Variants in RAB28 observed in about 807,000 individuals in gnomAD.
RAB28 encodes ras-related protein Rab-28.
Under a neutral mutation model 31.7 loss-of-function variants are expected in RAB28, and 24 were observed. That is an observed-to-expected ratio of 0.76 (90% confidence interval 0.55 to 1.06). RAB28 has a LOEUF of 1.06. Ranked by LOEUF, RAB28 falls within the 50% of genes least tolerant of loss-of-function variation. The probability of loss-of-function intolerance (pLI) is 0.00; values close to 1 mark genes in which losing one functional copy is unlikely to be tolerated. For synonymous variants in RAB28, 100 were observed against 90.4 expected (o/e 1.11, Z -0.60); for missense variants, 254 against 258.5 (o/e 0.98, Z 0.12).
At chr4:13,388,376 A>G (rs1002305563) in intron 4 of RAB28, among the ~76,000 whole-genome samples, 2 of 152,032 alleles carry the variant, frequency 1.3e-5, no homozygotes, top group Non-Finnish European at 2.9e-5. Context: ...ACTCAAAATC[A>G]ATTAAAGACC....
intron 4 of RAB28, among the ~76,000 whole-genome samples, chr4:13,444,431 G>A (rs1714594604): frequency 6.6e-6 from 1 of 152,076 alleles, no homozygotes; most frequent in South Asian, 2.1e-4. Flanking sequence ...TCCAATGATG[G>A]ACACATAGGC....
Position 13,376,540 on chromosome 4 carries a change from A to T in RAB28, c.573+5T>A. 6.3e-7 allele frequency: 1 copy of T among 1,579,922 alleles called. No homozygotes were observed. Among genetic ancestry groups the T allele is most frequent in the South Asian group, 1.2e-5 (1 of 84,140 alleles). On this transcript the variant is annotated splice_donor_5th_base_variant and intron_variant, in intron 6 of 6. Transcript: ENST00000330852. ...TTTTTTAAATATAAAGTTCAAGGTA[A>T]TCACCTGTGACTGTTCTATTTCTGC...
intron 1 of RAB28, among the ~76,000 whole-genome samples, chr4:13,480,384 A>G (rs572615596): frequency 1.1e-3 from 163 of 152,008 alleles, no homozygotes; most frequent in African/African-American, 3.7e-3. Context: ...AAAAAAGAGA[A>G]AGGCAACTTC....
chr4:13,392,453 T>C (rs80058341), intron 4 of RAB28, among the ~76,000 whole-genome samples: 2,041 of 152,286 alleles, frequency 0.013, 45 homozygotes, highest in African/African-American at 0.047. Flanking sequence ...GAAATAACTT[T>C]TCTTGACTTT....
rs371746319 is a variant in RAB28, at chr4:13,448,912, A to AAGC, written c.391+11784_391+11786dup. ...TGTGAAAAGAAGTTAAAAAAAGAAA[A>AAGC]AGCAGCAGCAGCAGCAGCAGCAATA... On this transcript the variant is annotated intron_variant, in intron 4 of 6. Coordinates refer to ENST00000330852, the MANE Select transcript of RAB28 (RefSeq NM_001017979.3). Among the ~76,000 whole-genome samples, 1,423 of 151,844 alleles carry AAGC rather than the reference A, an allele frequency of 9.4e-3. 23 individuals carry two copies. The highest frequency in any genetic ancestry group is 0.032 in the African/African-American group (1,335 of 41,386).
chr4:13,457,919 C>T (rs913123734), intron 4 of RAB28, among the ~76,000 whole-genome samples: 3 of 152,274 alleles, frequency 2.0e-5, no homozygotes, highest in South Asian at 4.1e-4. Context: ...GCCTCTCCCA[C>T]AAACACTCTA....
chr4:13,426,832 C>T (rs773707689), intron 4 of RAB28, among the ~76,000 whole-genome samples: 4 of 152,114 alleles, frequency 2.6e-5, no homozygotes, highest in Non-Finnish European at 5.9e-5. Flanking sequence ...TGTTGGTAAC[C>T]TTTACTCTCA....
chr4:13,386,792 C>T (rs1023607927), intron 4 of RAB28, among the ~76,000 whole-genome samples: 2 of 152,084 alleles, frequency 1.3e-5, no homozygotes, highest in African/African-American at 2.4e-5. Flanking sequence ...AAAACACTTG[C>T]AAGTGTATGT....
chr4:13,399,101 T>C (rs1168383908), intron 4 of RAB28, among the ~76,000 whole-genome samples: 2 of 152,186 alleles, frequency 1.3e-5, no homozygotes. Flanking sequence ...TAAAAGACTT[T>C]ATATACGGGC....
chr4:13,421,065 C>T (rs973465673), intron 4 of RAB28, among the ~76,000 whole-genome samples: 6 of 152,098 alleles, frequency 3.9e-5, no homozygotes, highest in South Asian at 2.1e-4. Flanking sequence ...AGTCTCAGGA[C>T]ACAAAATCAA....
chr4:13,452,082 T>A (rs1195631480), intron 4 of RAB28, among the ~76,000 whole-genome samples: 2 of 152,006 alleles, frequency 1.3e-5, no homozygotes, highest in Non-Finnish European at 2.9e-5. Context: ...GTATAGTTGT[T>A]CACTGGAGTC....
intron 4 of RAB28, among the ~76,000 whole-genome samples, chr4:13,459,503 T>A (rs1465838109): frequency 1.3e-5 from 2 of 152,190 alleles, no homozygotes; most frequent in African/African-American, 4.8e-5. Flanking sequence ...TGAAAACCTT[T>A]ATTAATGTCT....
intron 4 of RAB28, among the ~76,000 whole-genome samples, chr4:13,427,492 T>C (rs1260240465): frequency 6.6e-6 from 1 of 152,154 alleles, no homozygotes; most frequent in Non-Finnish European, 1.5e-5. Context: ...AAGGAGAGTA[T>C]GTATGAGCTT....
At chr4:13,425,333 A>G (rs1039407372) in intron 4 of RAB28, among the ~76,000 whole-genome samples, 1 of 152,236 alleles carries the variant, frequency 6.6e-6, no homozygotes, top group African/African-American at 2.4e-5. Context: ...ATCAGCAAGC[A>G]GGCAATTGAT....
chr4:13,431,362 G>A (rs1713796299), intron 4 of RAB28, among the ~76,000 whole-genome samples: 2 of 152,212 alleles, frequency 1.3e-5, no homozygotes, highest in African/African-American at 2.4e-5. Flanking sequence ...TGGTGCACCC[G>A]CTGCCCCTTC....
chr4:13,372,096 T>C (rs1178758751), intron 6 of RAB28, among the ~76,000 whole-genome samples: 2 of 152,106 alleles, frequency 1.3e-5, no homozygotes, highest in Non-Finnish European at 2.9e-5. Flanking sequence ...GGCTAAAACA[T>C]CTGTCACTGT....
intron 4 of RAB28, among the ~76,000 whole-genome samples, chr4:13,395,612 T>A (rs539759402): frequency 2.0e-5 from 3 of 151,892 alleles, no homozygotes; most frequent in African/African-American, 7.3e-5. Flanking sequence ...CATCCACCTA[T>A]ATGACTACTG....
chr4:13,379,434 G>A (rs866667849), intron 5 of RAB28, among the ~76,000 whole-genome samples: 2 of 152,040 alleles, frequency 1.3e-5, no homozygotes, highest in South Asian at 2.1e-4. Context: ...TTAGCCAAGC[G>A]GATCTGACAA....
chr4:13,410,911 T>TA, intron 4 of RAB28, among the ~76,000 whole-genome samples: 1 of 151,728 alleles, frequency 6.6e-6, no homozygotes, highest in Admixed American at 6.6e-5. Flanking sequence ...AAAGAAAAAA[T>TA]AAAAGAAAGG....
Sources: gnomAD v4.1 joint callset for allele counts (sites outside exome capture counted in the v4.1 genomes callset) on GRCh38, gnomAD v4.1.1 for gene constraint, MANE v1.5 for transcripts, NCBI Gene and HGNC (gene_info 2026-07-23, HGNC 2026-07-21) for gene names.